The following NRP1 variants were observed in gnomAD, a reference collection of about 807,000 sequenced individuals.
The protein encoded by NRP1 is neuropilin 1.
A neutral mutation model predicts 106.7 loss-of-function variants in NRP1; 35 were observed. That is an observed-to-expected ratio of 0.33 (90% CI 0.25 to 0.43). NRP1 has a LOEUF of 0.43. NRP1 is among the 20% of genes least tolerant of loss of function. The pLI, the probability that NRP1 is intolerant of heterozygous loss-of-function variation, is 1.00. For synonymous variants in NRP1, 437 were observed against 417.9 expected (o/e 1.05, Z -0.56); for missense variants, 1,024 against 1,170.4 (o/e 0.87, Z 1.83).
chr10:33,191,284 C>T (rs1032600466), intron 13 of NRP1, among the ~76,000 whole-genome samples: 1 of 152,142 alleles, frequency 6.6e-6, no homozygotes, highest in African/African-American at 2.4e-5. Flanking sequence ...CCATTCCTCC[C>T]CCACCAATTA....
chr10:33,224,283 C>G (rs1208535351), intron 7 of NRP1, among the ~76,000 whole-genome samples: 1 of 152,180 alleles, frequency 6.6e-6, no homozygotes, highest in South Asian at 2.1e-4. Flanking sequence ...GCTGGGGGCA[C>G]TGTCAAACAC....
rs148435065 is a variant in NRP1, at chr10:33,182,833, G to GCACACACACACACA, written c.2432-99_2432-86dup. 3.6e-3 allele frequency: 2,710 copies of GCACACACACACACA among 747,286 alleles called. 62 individuals carry two copies. The African/African-American group carries it at 0.045, about 12-fold the overall frequency. The allele number at this position is 747,286 out of a possible 1,614,324, so 46.3% of individuals were successfully genotyped here. On this transcript the variant is annotated intron_variant, in intron 15 of 16. Transcript: ENST00000374867. ...AAACTACACAAACCTTTAGGTACAT[G>GCACACACACACACA]CACACACACACACACACACACACAC...
At chr10:33,182,798 A>G (rs370423394) in intron 15 of NRP1, 50 bp from the exon 16 acceptor site, 11 of 1,327,068 alleles carry the variant, frequency 8.3e-6, no homozygotes, top group African/African-American at 1.5e-5. Flanking sequence ...CCATCAAAAT[A>G]TAATGCACCA....
intron 12 of NRP1, 74 bp downstream of exon 12, chr10:33,197,576 T>C (rs1836873060): frequency 2.5e-6 from 3 of 1,196,422 alleles, no homozygotes; most frequent in Non-Finnish European, 3.6e-6. Flanking sequence ...TCAGAGAAAC[T>C]GAAAGCGAGG....
chr10:33,299,335 C>A (rs991883503), intron 2 of NRP1, among the ~76,000 whole-genome samples: 1 of 152,140 alleles, frequency 6.6e-6, no homozygotes, highest in African/African-American at 2.4e-5. Context: ...CACAACATAC[C>A]AGCTTTTGGG....
intron 2 of NRP1, among the ~76,000 whole-genome samples, chr10:33,316,087 C>T (rs190209632): frequency 6.6e-6 from 1 of 152,254 alleles, no homozygotes; most frequent in East Asian, 1.9e-4. Context: ...GAAGCACAGA[C>T]CGAGGCAGGG....
chr10:33,181,727 T>A (rs1835699005), intron 16 of NRP1, among the ~76,000 whole-genome samples: 1 of 152,260 alleles, frequency 6.6e-6, no homozygotes, highest in African/African-American at 2.4e-5. Flanking sequence ...TAATTAGCTA[T>A]GCTACTTAAG....
intron 4 of NRP1, among the ~76,000 whole-genome samples, chr10:33,258,043 G>A (rs1016813127): frequency 1.3e-5 from 2 of 152,190 alleles, no homozygotes; most frequent in African/African-American, 2.4e-5. Context: ...GCCAGTGTGT[G>A]CAGTTTGGAT....
chr10:33,315,602 A>T (rs1331001992), intron 2 of NRP1, among the ~76,000 whole-genome samples: 1 of 152,250 alleles, frequency 6.6e-6, no homozygotes, highest in Non-Finnish European at 1.5e-5. Context: ...CTCTGTAACT[A>T]CTGTATGATC....
intron 10 of NRP1, among the ~76,000 whole-genome samples, chr10:33,203,722 C>CTTTT (rs34343692): frequency 1.9e-4 from 13 of 68,136 alleles, no homozygotes; most frequent in Non-Finnish European, 2.6e-4. Flanking sequence ...TCAAAGACTG[C>CTTTT]TTTTTTTTTT....
At chr10:33,220,900 C>CAAAAAAAAAAAAAAA (rs35895871) in intron 8 of NRP1, among the ~76,000 whole-genome samples, 78 of 60,630 alleles carry the variant, frequency 1.3e-3, no homozygotes, top group Middle Eastern at 0.013. Context: ...GGCTCAGTCT[C>CAAAAAAAAAAAAAAA]AAAAAAAAAA....
chr10:33,238,198 T>A (rs1048194735), intron 6 of NRP1, among the ~76,000 whole-genome samples: 2 of 152,222 alleles, frequency 1.3e-5, no homozygotes, highest in Non-Finnish European at 1.5e-5. Flanking sequence ...ACTTCTCTCT[T>A]GAGTCTAGCA....
chr10:33,243,612 C>T (rs983593049), intron 6 of NRP1, among the ~76,000 whole-genome samples: 1 of 127,382 alleles, frequency 7.9e-6, no homozygotes, highest in Non-Finnish European at 1.6e-5. Flanking sequence ...TGAAAGAAGG[C>T]AATTAGAATA....
chr10:33,295,194 A>G (rs1463798366), intron 2 of NRP1, among the ~76,000 whole-genome samples: 1 of 152,154 alleles, frequency 6.6e-6, no homozygotes, highest in Non-Finnish European at 1.5e-5. Context: ...GAAAGCATGA[A>G]TCCCTATATA....
At chr10:33,262,936 G>GGCA (rs1842673198) in intron 4 of NRP1, among the ~76,000 whole-genome samples, 1 of 152,144 alleles carries the variant, frequency 6.6e-6, no homozygotes, top group African/African-American at 2.4e-5. Flanking sequence ...AACTCCAAAG[G>GGCA]GCAGCATCTT....
chr10:33,264,462 G>A (rs150714413), intron 3 of NRP1, among the ~76,000 whole-genome samples: 250 of 152,210 alleles, frequency 1.6e-3, no homozygotes, highest in African/African-American at 4.5e-3. Flanking sequence ...GTAAAGTGTG[G>A]CTGTTAGTGA....
At chr10:33,218,334 TTTTC>T (rs201393734) in intron 8 of NRP1, among the ~76,000 whole-genome samples, 104 of 135,928 alleles carry the variant, frequency 7.7e-4, no homozygotes, top group South Asian at 1.3e-3. Context: ...TATATTTCTT[TTTTC>T]TTTCTTTTTT....
rs541266963 is a variant in NRP1, at chr10:33,334,396, G to T, written c.-14C>A. On this transcript the variant is annotated 5_prime_UTR_variant, in exon 1 of 17. Coordinates refer to ENST00000374867, the MANE Select transcript of NRP1 (RefSeq NM_003873.7). Reference sequence around the variant, plus strand: ...CCCCCTCTCCATTCTCCCTTCTCCGGGTCCGCAGGCAGACGCGGGAGAACG... The same window carrying T: ...CCCCCTCTCCATTCTCCCTTCTCCGTGTCCGCAGGCAGACGCGGGAGAACG... The T allele has an allele frequency of 1.0e-5, 16 of 1,543,358 alleles. No individual in the cohort carries two copies. The highest frequency in any genetic ancestry group is 1.4e-5 in the African/African-American group (1 of 73,024).
intron 2 of NRP1, among the ~76,000 whole-genome samples, chr10:33,304,199 T>C (rs977593393): frequency 6.6e-6 from 1 of 152,200 alleles, no homozygotes; most frequent in African/African-American, 2.4e-5. Flanking sequence ...ACCCAAGACA[T>C]GTTCTCATTA....
Sources: gnomAD v4.1 joint callset for allele counts (sites outside exome capture counted in the v4.1 genomes callset) on GRCh38, gnomAD v4.1.1 for gene constraint, MANE v1.5 for transcripts, NCBI Gene and HGNC (gene_info 2026-07-23, HGNC 2026-07-21) for gene names.